Variants in IFT80 observed in about 807,000 individuals in gnomAD.
The protein encoded by IFT80 is intraflagellar transport 80, also known as intraflagellar transport protein 80 homolog.
IFT80 carries 79 observed loss-of-function variants against 107.9 expected under a neutral mutation model. The observed-to-expected ratio is 0.73, with a 90% CI of 0.61 to 0.88. The LOEUF (loss-of-function observed/expected upper bound fraction) is 0.88, where lower values mean the gene tolerates loss of function less well. Among genes scored for constraint, IFT80 ranks in the 40% least tolerant of loss-of-function variants. The probability of loss-of-function intolerance (pLI) is 0.00; values close to 1 mark genes in which losing one functional copy is unlikely to be tolerated. For missense variants in IFT80, 797 were observed against 914.2 expected (o/e 0.87, Z 1.65); for synonymous variants, 299 against 300.9 (o/e 0.99, Z 0.07).
At chr3:160,341,787 A>G (rs1468099513) in intron 8 of IFT80, among the ~76,000 whole-genome samples, 1 of 152,202 alleles carries the variant, frequency 6.6e-6, no homozygotes, top group African/African-American at 2.4e-5. Flanking sequence ...GACAAAAGAG[A>G]CAAAGAGAAC....
At position 160,356,131 on chromosome 3, in the gene IFT80, C is replaced by A. The variant is rs754818191; in HGVS notation, c.659G>T (p.Arg220Leu). 1.2e-6 allele frequency: 2 copies of A among 1,613,884 alleles called. No individual in the cohort carries two copies. Among genetic ancestry groups the A allele is most frequent in the East Asian group, 2.2e-5 (1 of 44,872 alleles). Residue 220 changes from arginine (R) to leucine (L), a missense_variant, in exon 8 of 20, where the codon CGC becomes CTC. Transcript: ENST00000326448. ...ATGAGGTTGTGAATTGTACAGTGGG[C>A]GGCCGTAACTATCCCATACCTACAA... ...CKYKVWDSYG[R>L]PLYNSQPHEH...
chr3:160,294,976 A>C (rs1715861192), intron 12 of IFT80, among the ~76,000 whole-genome samples: 1 of 152,194 alleles, frequency 6.6e-6, no homozygotes, highest in African/African-American at 2.4e-5. Context: ...CTTAGCAATG[A>C]TTTATCTAAC....
intron 8 of IFT80, among the ~76,000 whole-genome samples, chr3:160,333,081 T>A (rs1330044351): frequency 6.6e-6 from 1 of 152,180 alleles, no homozygotes; most frequent in Non-Finnish European, 1.5e-5. Flanking sequence ...CCTTACTGAA[T>A]ACTATAGGAA....
intron 10 of IFT80, among the ~76,000 whole-genome samples, chr3:160,306,905 A>C (rs1305900722): frequency 6.6e-6 from 1 of 152,216 alleles, no homozygotes; most frequent in Admixed American, 6.5e-5. Flanking sequence ...CTAGGCATAC[A>C]GTGGTGAATG....
rs148207681 is a variant in IFT80 at position 160,380,006 on chromosome 3, C to T, written c.259+1497G>A. Among the ~76,000 whole-genome samples the T allele has an allele frequency of 7.0e-3, 1,063 of 151,400 alleles. 2 individuals carry two copies. Among genetic ancestry groups the T allele is most frequent in the Non-Finnish European group, 0.013 (868 of 67,840 alleles). ...CATGTGGATGGCCTGAGGCTGGATA[C>T]GCTCAATCAGTGTCCCATTGTCTTT... On this transcript the variant is annotated intron_variant, in intron 3 of 19. Transcript: ENST00000326448.
chr3:160,355,761 T>C (rs1721032022), intron 8 of IFT80, among the ~76,000 whole-genome samples: 1 of 152,198 alleles, frequency 6.6e-6, no homozygotes, highest in South Asian at 2.1e-4. Flanking sequence ...AACTACTTCA[T>C]CCTTCACAAT....
At chr3:160,260,969 A>G (rs1712777965) in intron 19 of IFT80, among the ~76,000 whole-genome samples, 1 of 152,108 alleles carries the variant, frequency 6.6e-6, no homozygotes. Flanking sequence ...CTGTATCTAC[A>G]CCCATCATTA....
chr3:160,319,741 C>T lies in IFT80; in HGVS notation c.957+19G>A, dbSNP rs1382895283. The T allele has an allele frequency of 1.2e-6, 2 of 1,605,270 alleles. No homozygotes were observed. Among genetic ancestry groups the T allele is most frequent in the Non-Finnish European group, 1.7e-6 (2 of 1,172,626 alleles). On this transcript the variant is annotated intron_variant, in intron 9 of 19. Coordinates refer to ENST00000326448, the MANE Select transcript of IFT80 (RefSeq NM_020800.3). ...TATGAAAAGAAGCAGGTTTAATCAACCTTGGAACATAATAATACCTGCATG... is the reference window on the plus strand; with the variant it reads ...TATGAAAAGAAGCAGGTTTAATCAATCTTGGAACATAATAATACCTGCATG...
At chr3:160,265,404 T>A (rs1470722588) in intron 19 of IFT80, among the ~76,000 whole-genome samples, 2 of 152,234 alleles carry the variant, frequency 1.3e-5, no homozygotes, top group Admixed American at 6.5e-5. Context: ...ATCCTGCTCA[T>A]GAGTTTGATT....
intron 6 of IFT80, among the ~76,000 whole-genome samples, chr3:160,360,437 A>G (rs1196902409): frequency 6.6e-6 from 1 of 152,210 alleles, no homozygotes; most frequent in Non-Finnish European, 1.5e-5. Context: ...ACTCTTCAGG[A>G]TATTATCCAA....
intron 8 of IFT80, among the ~76,000 whole-genome samples, chr3:160,332,863 T>C (rs562988285): frequency 6.6e-6 from 1 of 152,354 alleles, no homozygotes; most frequent in African/African-American, 2.4e-5. Flanking sequence ...CCCTGGGGTA[T>C]ATATATCAAA....
rs1271828627 is a variant in IFT80 at position 160,359,438 on chromosome 3, A to T, written c.550-1860T>A. ...GCTCCCAGTGTGATCGACACAGAAG[A>T]CGGGTGATTTCTGCATTTTCAACTG... is the stretch of plus-strand genomic sequence containing the variant. On this transcript the variant is annotated intron_variant, in intron 6 of 19. Coordinates refer to ENST00000326448, the MANE Select transcript of IFT80 (RefSeq NM_020800.3). Among the ~76,000 whole-genome samples, 6 of 152,174 alleles carry T rather than the reference A, an allele frequency of 3.9e-5. No homozygotes were observed. The East Asian group carries it at 5.8e-4, about 15-fold the overall frequency.
intron 8 of IFT80, among the ~76,000 whole-genome samples, chr3:160,326,109 A>G (rs183767667): frequency 9.9e-5 from 15 of 152,202 alleles, no homozygotes; most frequent in Admixed American, 6.5e-4. Context: ...GGTTACCTAC[A>G]TAACAAACCT....
At chr3:160,293,842 C>T (rs893406139) in intron 12 of IFT80, among the ~76,000 whole-genome samples, 3 of 152,156 alleles carry the variant, frequency 2.0e-5, no homozygotes, top group African/African-American at 7.2e-5. Flanking sequence ...TGGCCAATGA[C>T]TTAAATAATC....
At chr3:160,295,743 A>C (rs1379018382) in intron 12 of IFT80, among the ~76,000 whole-genome samples, 2 of 152,218 alleles carry the variant, frequency 1.3e-5, no homozygotes, top group African/African-American at 4.8e-5. Context: ...TGTAGAAACA[A>C]CCTAAATATC....
chr3:160,271,755 C>G (rs1234058026), intron 18 of IFT80, among the ~76,000 whole-genome samples: 1 of 152,036 alleles, frequency 6.6e-6, no homozygotes, highest in Non-Finnish European at 1.5e-5. Context: ...TAAAAGCAAT[C>G]TAATGTATTT....
At chr3:160,395,080 AT>A (rs1372721481) in intron 1 of IFT80, among the ~76,000 whole-genome samples, 3 of 152,194 alleles carry the variant, frequency 2.0e-5, no homozygotes, top group African/African-American at 7.2e-5. Context: ...CCACTTATAT[AT>A]TTAATATAGA....
chr3:160,285,941 A>G, intron 12 of IFT80, 73 bp from the exon 13 acceptor site: 1 of 1,020,532 alleles, frequency 9.8e-7, no homozygotes, highest in East Asian at 2.6e-5. Flanking sequence ...TGAAACTATT[A>G]TAATCCTTAT....
intron 18 of IFT80, 51 bp from the exon 19 acceptor site, chr3:160,268,587 TGAGTAGTA>T (rs1559910445): frequency 1.3e-6 from 2 of 1,570,638 alleles, no homozygotes; most frequent in East Asian, 4.5e-5. Flanking sequence ...TCAGACTCCA[TGAGTAGTA>T]GAGTTCTGGA....
Sources: gnomAD v4.1 joint callset for allele counts (sites outside exome capture counted in the v4.1 genomes callset) on GRCh38, gnomAD v4.1.1 for gene constraint, MANE v1.5 for transcripts, NCBI Gene and HGNC (gene_info 2026-07-23, HGNC 2026-07-21) for gene names.